The following ARK2N variants were observed in gnomAD, a reference collection of about 807,000 sequenced individuals.
The protein encoded by ARK2N is arkadia (RNF111) N-terminal like PKA signaling regulator 2N, also known as protein ARK2N.
At chr18:46,193,717 G>A in the ARK2N span, among the ~76,000 whole-genome samples, 12 of 149,284 alleles carry the variant, frequency 8.0e-5, no homozygotes, top group Non-Finnish European at 1.6e-4. Flanking sequence ...TTGTGTCTCA[G>A]TCTCCTGAGT....
At chr18:46,213,643 C>G in the ARK2N span, among the ~76,000 whole-genome samples, 5 of 152,116 alleles carry the variant, frequency 3.3e-5, no homozygotes, top group Admixed American at 3.3e-4. Flanking sequence ...ATAATTGATA[C>G]AAATATGCTT....
chr18:46,236,251 A>AGCCCTCCTGCCTC, the ARK2N span, among the ~76,000 whole-genome samples: 1 of 152,314 alleles, frequency 6.6e-6, no homozygotes, highest in African/African-American at 2.4e-5. Flanking sequence ...GGGCTCAAGC[A>AGCCCTCCTGCCTC]GTCCTCCTGC....
the ARK2N span, among the ~76,000 whole-genome samples, chr18:46,256,595 T>G: frequency 6.6e-6 from 1 of 152,238 alleles, no homozygotes; most frequent in South Asian, 2.1e-4. Flanking sequence ...GGATTTTTTC[T>G]TACAGGCTCT....
the ARK2N span, chr18:46,240,010 C>T: frequency 3.7e-6 from 6 of 1,613,826 alleles, no homozygotes; most frequent in Non-Finnish European, 5.1e-6. Context: ...CCTAGATGGA[C>T]CTCCAGTTGT....
the ARK2N span, chr18:46,215,929 G>A: frequency 1.8e-5 from 29 of 1,613,858 alleles, no homozygotes; most frequent in Middle Eastern, 1.6e-4. Context: ...CATTGAGTCC[G>A]AAGCCCCACC....
the ARK2N span, among the ~76,000 whole-genome samples, chr18:46,219,699 T>A: frequency 6.6e-6 from 1 of 152,140 alleles, no homozygotes; most frequent in Admixed American, 6.5e-5. Context: ...CTTGATCTCC[T>A]GACCTTGTGA....
chr18:46,203,853 C>T, the ARK2N span, among the ~76,000 whole-genome samples: 1 of 152,150 alleles, frequency 6.6e-6, no homozygotes, highest in Non-Finnish European at 1.5e-5. Flanking sequence ...TCTCAAAGTA[C>T]TGGGATTACA....
the ARK2N span, among the ~76,000 whole-genome samples, chr18:46,222,504 C>G: frequency 8.5e-5 from 13 of 152,168 alleles, no homozygotes; most frequent in Non-Finnish European, 1.6e-4. Flanking sequence ...TGAAGTCTTA[C>G]TGGTGGGTAT....
the ARK2N span, among the ~76,000 whole-genome samples, chr18:46,205,659 C>A: frequency 1.3e-5 from 2 of 152,170 alleles, no homozygotes; most frequent in African/African-American, 4.8e-5. Context: ...ATCATCTGTC[C>A]TTATACCAAT....
the ARK2N span, among the ~76,000 whole-genome samples, chr18:46,258,280 A>G: frequency 6.6e-6 from 1 of 152,226 alleles, no homozygotes; most frequent in Non-Finnish European, 1.5e-5. Context: ...GTGTTTCCCT[A>G]CAATCACAAG....
chr18:46,264,330 T>C, the ARK2N span: 1 of 152,670 alleles, frequency 6.6e-6, no homozygotes. Flanking sequence ...TATGTTGTAG[T>C]TACTAGTGAA....
At chr18:46,245,350 G>A in the ARK2N span, among the ~76,000 whole-genome samples, 2 of 151,942 alleles carry the variant, frequency 1.3e-5, no homozygotes, top group South Asian at 2.1e-4. Context: ...GGCAGATCAC[G>A]AGGTCAGGAG....
At chr18:46,251,006 A>G in the ARK2N span, among the ~76,000 whole-genome samples, 5 of 152,192 alleles carry the variant, frequency 3.3e-5, no homozygotes, top group South Asian at 8.3e-4. Flanking sequence ...ATCTCTGCAT[A>G]TATCGCAGGT....
At chr18:46,203,081 G>A in the ARK2N span, among the ~76,000 whole-genome samples, 8 of 152,178 alleles carry the variant, frequency 5.3e-5, no homozygotes, top group Non-Finnish European at 1.0e-4. Context: ...AAACTTTCTA[G>A]TAAAGCTGAA....
chr18:46,182,663 G>T, the ARK2N span, among the ~76,000 whole-genome samples: 3 of 145,496 alleles, frequency 2.1e-5, no homozygotes, highest in Non-Finnish European at 3.0e-5. Context: ...GAGTACTTTA[G>T]AGAGTCATTA....
At chr18:46,253,591 G>GT in the ARK2N span, 1 of 1,388,100 alleles carries the variant, frequency 7.2e-7, no homozygotes, top group Admixed American at 2.1e-5. Context: ...GGGTGATTCT[G>GT]TTTCTGTGAC....
the ARK2N span, among the ~76,000 whole-genome samples, chr18:46,180,966 A>G: frequency 6.6e-6 from 1 of 152,140 alleles, no homozygotes. Context: ...TGGAAACTTA[A>G]ATGTCGTTTT....
chr18:46,255,017 C>T, the ARK2N span, among the ~76,000 whole-genome samples: 2 of 148,954 alleles, frequency 1.3e-5, no homozygotes, highest in South Asian at 2.1e-4. Flanking sequence ...AGGTATATAA[C>T]ATAGTGTATT....
chr18:46,213,330 A>G, the ARK2N span, among the ~76,000 whole-genome samples: 1 of 151,954 alleles, frequency 6.6e-6, no homozygotes, highest in South Asian at 2.1e-4. Context: ...AGAATATACA[A>G]TTTGAATCTC....
Sources: allele counts gnomAD v4.1 joint callset (sites outside exome capture counted in the v4.1 genomes callset), GRCh38; gene constraint gnomAD v4.1.1; transcripts MANE v1.5; gene names NCBI Gene and HGNC (gene_info 2026-07-23, HGNC 2026-07-21).